The following DIPK1A variants were observed in gnomAD, a reference collection of about 807,000 sequenced individuals.
DIPK1A encodes the protein family with sequence similarity 69 member A.
DIPK1A carries 27 observed loss-of-function variants against 40.8 expected under a neutral mutation model. The ratio of observed to expected loss-of-function variants is 0.66; its 90% CI spans 0.49 to 0.91. The LOEUF (loss-of-function observed/expected upper bound fraction) is 0.91. Ranked by LOEUF, DIPK1A falls within the 40% of genes least tolerant of loss-of-function variation. The pLI, the probability that DIPK1A is intolerant of heterozygous loss-of-function variation, is 0.00. For missense variants in DIPK1A, 412 were observed against 505.7 expected, an observed-to-expected ratio of 0.81 and a Z score of 1.78; for synonymous variants, 166 against 171.3, an observed-to-expected ratio of 0.97 and a Z score of 0.24.
chr1:92,952,341 T>A (rs1651667241), intron 1 of DIPK1A, among the ~76,000 whole-genome samples: 1 of 152,246 alleles, frequency 6.6e-6, no homozygotes, highest in Non-Finnish European at 1.5e-5. Flanking sequence ...TAGTTTTGGC[T>A]GGGCATAGTG....
At chr1:92,838,789 G>A (rs1329075741), downstream of DIPK1A, among the ~76,000 whole-genome samples, 1 of 152,198 alleles carries the variant, frequency 6.6e-6, no homozygotes, top group Non-Finnish European at 1.5e-5. Flanking sequence ...TTTGTTATTT[G>A]TTAGTGAACA....
chr1:92,908,056 T>C (rs1175524078), intron 1 of DIPK1A, among the ~76,000 whole-genome samples: 1 of 152,122 alleles, frequency 6.6e-6, no homozygotes, highest in Non-Finnish European at 1.5e-5. Flanking sequence ...TGGATTCTAG[T>C]GCCATTTTCA....
At chr1:92,863,698 A>C (rs1647395125) in intron 2 of DIPK1A, among the ~76,000 whole-genome samples, 1 of 152,152 alleles carries the variant, frequency 6.6e-6, no homozygotes, top group South Asian at 2.1e-4. Context: ...TAAAGACTTA[A>C]GTTGGTATAA....
downstream of DIPK1A, chr1:92,840,992 T>C (rs1687342899): frequency 2.5e-6 from 1 of 394,296 alleles, no homozygotes; most frequent in Admixed American, 3.5e-5. Flanking sequence ...ACAAATACAA[T>C]GTATAGTAAT....
intron 4 of DIPK1A, chr1:92,833,485 T>C: frequency 1.2e-6 from 2 of 1,612,604 alleles, no homozygotes; most frequent in Non-Finnish European, 1.7e-6. Flanking sequence ...GTGTTTACAA[T>C]ATTAATCTGC....
At chr1:92,926,979 T>C (rs1650540116) in intron 1 of DIPK1A, among the ~76,000 whole-genome samples, 1 of 152,230 alleles carries the variant, frequency 6.6e-6, no homozygotes, top group East Asian at 1.9e-4. Context: ...TAAGTTGATT[T>C]ACATTTGATT....
chr1:92,861,272 C>A (rs957894464), intron 2 of DIPK1A, among the ~76,000 whole-genome samples: 2 of 149,624 alleles, frequency 1.3e-5, no homozygotes, highest in East Asian at 2.0e-4. Flanking sequence ...TTGCCAAATG[C>A]ATCTATTCAG....
Position 92,834,925 on chromosome 1 carries a change from A to T in DIPK1A, c.475-1891T>A, listed in dbSNP as rs781444582. 7.5e-6 allele frequency: 12 copies of T among 1,600,142 alleles called. No homozygotes were observed. In the African/African-American group the frequency reaches 1.6e-4, roughly 21 times the overall value. On this transcript the variant is annotated intron_variant, in intron 4 of 4. Transcript: ENST00000615519. The stretch of plus-strand genomic sequence containing the variant: ...TGCTGGCCCGCAGGGTATGTACAAG[A>T]TGATTTTAATTGATGTAGTTTGTGG...
chr1:92,955,769 A>T (rs1288639851), intron 1 of DIPK1A, among the ~76,000 whole-genome samples: 1 of 150,082 alleles, frequency 6.7e-6, no homozygotes, highest in Non-Finnish European at 1.5e-5. Flanking sequence ...GGCCAGGCAC[A>T]GTGGTTAATT....
chr1:92,908,172 A>G, intron 1 of DIPK1A, among the ~76,000 whole-genome samples: 1 of 152,228 alleles, frequency 6.6e-6, no homozygotes, highest in East Asian at 1.9e-4. Context: ...AGGCAGCTGT[A>G]TGTACAGGTC....
intron 1 of DIPK1A, among the ~76,000 whole-genome samples, chr1:92,877,724 GA>G (rs1252797562): frequency 6.6e-6 from 1 of 152,084 alleles, no homozygotes. Flanking sequence ...TAAGTAAAAA[GA>G]AAGTTCAGAT....
intron 1 of DIPK1A, among the ~76,000 whole-genome samples, chr1:92,890,582 T>G (rs985676146): frequency 1.3e-5 from 2 of 152,190 alleles, no homozygotes; most frequent in African/African-American, 4.8e-5. Context: ...CCATAAGGTT[T>G]TTGTCTTTGG....
At chr1:92,928,044 A>G (rs989234498) in intron 1 of DIPK1A, among the ~76,000 whole-genome samples, 9 of 152,204 alleles carry the variant, frequency 5.9e-5, no homozygotes, top group African/African-American at 1.4e-4. Flanking sequence ...ACTATTTTAC[A>G]AAGCAGCTGC....
intron 1 of DIPK1A, among the ~76,000 whole-genome samples, chr1:92,899,924 AT>A (rs575172518): frequency 3.4e-5 from 5 of 147,090 alleles, no homozygotes; most frequent in East Asian, 2.0e-4. Flanking sequence ...CTGGCTGGCT[AT>A]TTTTTTTTTC....
rs562730403 is a variant in DIPK1A at position 92,946,479 on chromosome 1, C to T, written c.54+14897G>A. ...GAGAGTCAAGAAAGACTGTCAAAAG[C>T]GGATAAAATAAGAAACAGTTGTTAT... On this transcript the variant is annotated intron_variant, in intron 1 of 4. Transcript: ENST00000370310. Among the ~76,000 whole-genome samples the T allele has an allele frequency of 4.2e-4, 64 of 152,044 alleles. 1 individual carries two copies. The highest frequency in any genetic ancestry group is 3.8e-3 in the Admixed American group (58 of 15,272).
chr1:92,918,859 G>C (rs1331472805), intron 1 of DIPK1A, among the ~76,000 whole-genome samples: 1 of 152,138 alleles, frequency 6.6e-6, no homozygotes, highest in Non-Finnish European at 1.5e-5. Context: ...TCATAAGAAG[G>C]GGGCAACCTA....
intron 1 of DIPK1A, among the ~76,000 whole-genome samples, chr1:92,957,777 A>AT (rs1166422435): frequency 6.6e-6 from 1 of 152,252 alleles, no homozygotes; most frequent in Non-Finnish European, 1.5e-5. Context: ...CATTTAAAGC[A>AT]TAACGTTCAG....
chr1:92,959,871 C>T (rs1180411519), intron 1 of DIPK1A, among the ~76,000 whole-genome samples: 3 of 144,782 alleles, frequency 2.1e-5, no homozygotes, highest in South Asian at 4.4e-4. Context: ...TTCAGCCTCC[C>T]GGAGTAGCTG....
intron 2 of DIPK1A, among the ~76,000 whole-genome samples, chr1:92,867,500 TTTGTTG>T (rs530607989): frequency 8.6e-5 from 13 of 151,804 alleles, no homozygotes; most frequent in African/African-American, 2.7e-4. Context: ...AGATATAAAC[TTTGTTG>T]TTGTTGTTGT....
Sources: gnomAD v4.1 joint callset for allele counts (sites outside exome capture counted in the v4.1 genomes callset) on GRCh38, gnomAD v4.1.1 for gene constraint, MANE v1.5 for transcripts, NCBI Gene and HGNC (gene_info 2026-07-23, HGNC 2026-07-21) for gene names.